FHIP1A: variants seen among roughly 807,000 people sequenced by gnomAD.
FHIP1A encodes the protein FHF complex subunit HOOK interacting protein 1A.
FHIP1A carries 61 observed loss-of-function variants against 88.6 expected under a neutral mutation model. The observed-to-expected ratio is 0.69, with a 90% CI of 0.56 to 0.85. FHIP1A has a LOEUF of 0.85. Ranked by LOEUF, FHIP1A falls within the 40% of genes least tolerant of loss-of-function variation. The pLI is 0.00. For missense variants in FHIP1A, 1,154 were observed against 1,273.5 expected, an observed-to-expected ratio of 0.91 and a Z score of 1.43; for synonymous variants, 478 against 496.0, an observed-to-expected ratio of 0.96 and a Z score of 0.48.
intron 4 of FHIP1A, among the ~76,000 whole-genome samples, chr4:151,575,554 A>G (rs753630017): frequency 1.3e-4 from 20 of 152,136 alleles, no homozygotes; most frequent in Non-Finnish European, 2.2e-4. Context: ...TGTGGCCACT[A>G]GTCAGTGGGC....
intron 3 of FHIP1A, among the ~76,000 whole-genome samples, chr4:151,538,938 G>A (rs752237087): frequency 6.6e-6 from 1 of 152,194 alleles, no homozygotes; most frequent in African/African-American, 2.4e-5. Context: ...GGTGAGGTTG[G>A]GAGGGAGAAT....
chr4:151,666,924 T>G lies in FHIP1A; in HGVS notation c.*4170T>G, dbSNP rs1345292257. On this transcript the variant is annotated 3_prime_UTR_variant, in exon 14 of 14. Transcript: ENST00000435205. ...CCCCTTTTAAGTAAGCCCTTAATTTTAAATGGTCCCGGCGTGGTGTTCAGT... is the reference window on the plus strand; with the variant it reads ...CCCCTTTTAAGTAAGCCCTTAATTTGAAATGGTCCCGGCGTGGTGTTCAGT... Among the ~76,000 whole-genome samples, 3 of 152,248 alleles carry G rather than the reference T, an allele frequency of 2.0e-5. No individual in the cohort carries two copies. Among genetic ancestry groups the G allele is most frequent in the African/African-American group, 4.8e-5 (2 of 41,470 alleles).
intron 9 of FHIP1A, among the ~76,000 whole-genome samples, chr4:151,641,056 A>G (rs1736569592): frequency 6.7e-6 from 1 of 149,096 alleles, no homozygotes; most frequent in Admixed American, 6.7e-5. Context: ...GGAATAATGG[A>G]AAAAAAAAAA....
At chr4:151,629,898 TACAACTC>T (rs1270108401) in intron 8 of FHIP1A, 29 bp downstream of exon 8, 1 of 1,538,554 alleles carries the variant, frequency 6.5e-7, no homozygotes, top group Non-Finnish European at 8.8e-7. Flanking sequence ...GAAGGGAACT[TACAACTC>T]AGAACAGATT....
chr4:151,612,049 G>T (rs2407069), intron 7 of FHIP1A, among the ~76,000 whole-genome samples: 2 of 151,828 alleles, frequency 1.3e-5, no homozygotes, highest in African/African-American at 4.8e-5. Context: ...TCTAGTTCCA[G>T]TTCCTCATTT....
At chr4:151,459,160 T>G (rs1349719521) in intron 2 of FHIP1A, among the ~76,000 whole-genome samples, 1 of 151,926 alleles carries the variant, frequency 6.6e-6, no homozygotes, top group Non-Finnish European at 1.5e-5. Flanking sequence ...CACAGAGCCC[T>G]AAAGAGAATT....
intron 3 of FHIP1A, among the ~76,000 whole-genome samples, chr4:151,550,071 G>C (rs1732665611): frequency 6.6e-6 from 1 of 152,036 alleles, no homozygotes. Context: ...TTATTTGTTT[G>C]CCTGTTTATA....
At chr4:151,633,009 C>A (rs1166052440) in intron 8 of FHIP1A, among the ~76,000 whole-genome samples, 1 of 151,652 alleles carries the variant, frequency 6.6e-6, no homozygotes, top group Admixed American at 6.6e-5. Context: ...AATAGAAAAA[C>A]CAATGAAACC....
At chr4:151,641,975 A>G (rs1736603952) in intron 9 of FHIP1A, among the ~76,000 whole-genome samples, 1 of 152,228 alleles carries the variant, frequency 6.6e-6, no homozygotes. Context: ...CTGTATGTCA[A>G]TTTTTATTAC....
intron 3 of FHIP1A, among the ~76,000 whole-genome samples, chr4:151,483,665 G>A (rs893255998): frequency 6.6e-6 from 1 of 152,062 alleles, no homozygotes; most frequent in African/African-American, 2.4e-5. Context: ...CTAGATAGGA[G>A]AAATAAGTTC....
At chr4:151,532,987 C>G (rs1324885933) in intron 3 of FHIP1A, 2 of 152,220 alleles carry the variant, frequency 1.3e-5, no homozygotes, top group Non-Finnish European at 2.9e-5. Context: ...CTGGGAGATT[C>G]AATTCAAGTT....
At chr4:151,518,940 T>A (rs1731355299) in intron 3 of FHIP1A, among the ~76,000 whole-genome samples, 1 of 152,036 alleles carries the variant, frequency 6.6e-6, no homozygotes, top group Non-Finnish European at 1.5e-5. Context: ...TCCCACTTTA[T>A]CCTCCCAAAG....
At chr4:151,512,268 C>T (rs1379827583) in intron 3 of FHIP1A, among the ~76,000 whole-genome samples, 1 of 152,074 alleles carries the variant, frequency 6.6e-6, no homozygotes, top group Admixed American at 6.5e-5. Context: ...AAAGGACATC[C>T]ACACCAAAAA....
rs1044644503 is a variant in FHIP1A at position 151,472,921 on chromosome 4, A to G, written c.-247-9603A>G. 9.2e-5 allele frequency among the ~76,000 whole-genome samples: 14 copies of G among 152,322 alleles called. No individual in the cohort carries two copies. The East Asian group carries it at 1.2e-3, about 13-fold the overall frequency. On this transcript the variant is annotated intron_variant, in intron 2 of 13. Transcript: ENST00000435205. ...AAGTCTGTGGCAAGACCATTGCACAATAAACTCCAAATCTGCTTGCTTACT... is the reference window on the plus strand; with the variant it reads ...AAGTCTGTGGCAAGACCATTGCACAGTAAACTCCAAATCTGCTTGCTTACT...
At chr4:151,569,561 A>G (rs1245095848) in intron 4 of FHIP1A, among the ~76,000 whole-genome samples, 2 of 152,148 alleles carry the variant, frequency 1.3e-5, no homozygotes, top group Admixed American at 6.5e-5. Context: ...TTAAAAAAAA[A>G]AAGGAAAAAA....
At chr4:151,431,390 A>C (rs1359007182) in intron 1 of FHIP1A, among the ~76,000 whole-genome samples, 1 of 152,192 alleles carries the variant, frequency 6.6e-6, no homozygotes, top group African/African-American at 2.4e-5. Flanking sequence ...CATTTGCATT[A>C]AGCCCCTTAT....
At chr4:151,517,947 G>A (rs1731307373) in intron 3 of FHIP1A, among the ~76,000 whole-genome samples, 1 of 152,094 alleles carries the variant, frequency 6.6e-6, no homozygotes, top group Non-Finnish European at 1.5e-5. Context: ...AGTTTATACA[G>A]TAAAAAAGTT....
At chr4:151,495,759 G>T (rs1427398564) in intron 3 of FHIP1A, among the ~76,000 whole-genome samples, 1 of 151,396 alleles carries the variant, frequency 6.6e-6, no homozygotes, top group Non-Finnish European at 1.5e-5. Context: ...AAGTACCAGG[G>T]ATTACAGGCA....
At chr4:151,516,841 T>G (rs1731257372) in intron 3 of FHIP1A, among the ~76,000 whole-genome samples, 1 of 151,382 alleles carries the variant, frequency 6.6e-6, no homozygotes, top group Admixed American at 6.6e-5. Flanking sequence ...GGAACACTTT[T>G]CCACTGTTGG....
Sources: allele counts gnomAD v4.1 joint callset (sites outside exome capture counted in the v4.1 genomes callset), GRCh38; gene constraint gnomAD v4.1.1; transcripts MANE v1.5; gene names NCBI Gene and HGNC (gene_info 2026-07-23, HGNC 2026-07-21).